AGAP1: variants seen among roughly 807,000 people sequenced by gnomAD.
AGAP1 encodes the protein ArfGAP with GTPase domain, ankyrin repeat and PH domain 1.
AGAP1 carries 29 observed loss-of-function variants against 105.3 expected under a neutral mutation model. The ratio of observed to expected loss-of-function variants is 0.28; its 90% CI spans 0.21 to 0.38. AGAP1 has a LOEUF of 0.38. AGAP1 is among the 10% of genes least tolerant of loss of function. The pLI is 1.00. For synonymous variants in AGAP1, 509 were observed against 485.9 expected (o/e 1.05, Z -0.63); for missense variants, 998 against 1,165.1 (o/e 0.86, Z 2.09).
At position 235,934,279 on chromosome 2, in the gene AGAP1, C is replaced by T. The variant is rs1191289067; in HGVS notation, c.1483+3356C>T. 6.6e-6 allele frequency among the ~76,000 whole-genome samples: 1 copy of T among 152,212 alleles called. No individual in the cohort carries two copies. The highest frequency in any genetic ancestry group is 1.5e-5 in the Non-Finnish European group (1 of 68,044). Reference sequence around the variant, plus strand: ...CTTGGGAACCACTGCTGTAAGTCCTCACTTCCCAAAGCCTGGTCCACGGAC... The same window carrying T: ...CTTGGGAACCACTGCTGTAAGTCCTTACTTCCCAAAGCCTGGTCCACGGAC... On this transcript the variant is annotated intron_variant, in intron 12 of 17. Coordinates refer to ENST00000304032, the MANE Select transcript of AGAP1 (RefSeq NM_001037131.3). The surrounding 1 kb of genome is among the most constrained non-coding windows in gnomAD (Gnocchi z 4.9).
chr2:235,653,429 A>G (rs1179391600), intron 1 of AGAP1, among the ~76,000 whole-genome samples: 2 of 152,164 alleles, frequency 1.3e-5, no homozygotes, highest in African/African-American at 4.8e-5. Flanking sequence ...GCGCCACTGC[A>G]TTCCAGCCTG....
intron 1 of AGAP1, among the ~76,000 whole-genome samples, chr2:235,583,335 A>G (rs939397815): frequency 7.6e-6 from 1 of 130,778 alleles, no homozygotes; most frequent in African/African-American, 2.9e-5. Context: ...CTCTGGGGTA[A>G]CTCCAAGTGG....
Position 235,981,572 on chromosome 2 carries a change from G to A in AGAP1, c.1645+12949G>A, listed in dbSNP as rs1455551023. ...CTCTTTCAAAGAGGAAATCAATCAC[G>A]AAACAGAAACTCAGAGTTGACAATC... On this transcript the variant is annotated intron_variant, in intron 13 of 17. Coordinates refer to ENST00000304032, the MANE Select transcript of AGAP1 (RefSeq NM_001037131.3). The surrounding 1 kb of genome is among the most constrained non-coding windows in gnomAD (Gnocchi z 5.5). 3.9e-5 allele frequency among the ~76,000 whole-genome samples: 6 copies of A among 152,090 alleles called. No individual in the cohort carries two copies. The highest frequency in any genetic ancestry group is 6.5e-5 in the Admixed American group (1 of 15,272).
intron 1 of AGAP1, among the ~76,000 whole-genome samples, chr2:235,576,965 T>C (rs944412524): frequency 3.3e-5 from 5 of 152,220 alleles, no homozygotes; most frequent in African/African-American, 1.2e-4. Flanking sequence ...CCAGTTCTGC[T>C]TCTTCCCCTC....
rs969122298 is a variant in AGAP1 at position 236,020,390 on chromosome 2, T to A, written c.1646-16171T>A. Among the ~76,000 whole-genome samples the A allele has an allele frequency of 3.3e-5, 5 of 152,216 alleles. No individual in the cohort carries two copies. The highest frequency in any genetic ancestry group is 1.2e-4 in the African/African-American group (5 of 41,460). On this transcript the variant is annotated intron_variant, in intron 13 of 17. Coordinates refer to ENST00000304032, the MANE Select transcript of AGAP1 (RefSeq NM_001037131.3). This position sits in a 1 kb window ranked among gnomAD's most constrained non-coding sequence, Gnocchi z 5.0. ...TGAAGCATAGGGGGGAATTTAGAAATGAAACTTAACCTGTTATCTAGACTT... is the reference window on the plus strand; with the variant it reads ...TGAAGCATAGGGGGGAATTTAGAAAAGAAACTTAACCTGTTATCTAGACTT...
rs2053990030 is a variant in AGAP1, at chr2:235,957,257, G to A, written c.1484-11205G>A. Reference sequence around the variant, plus strand: ...AGATCAAATTTCCTAAATTCCTACTGACTAGGCTTAATTTAGAGAGATCTC... The same window carrying A: ...AGATCAAATTTCCTAAATTCCTACTAACTAGGCTTAATTTAGAGAGATCTC... On this transcript the variant is annotated intron_variant, in intron 12 of 17. Coordinates refer to ENST00000304032, the MANE Select transcript of AGAP1 (RefSeq NM_001037131.3). The surrounding 1 kb of genome is among the most constrained non-coding windows in gnomAD (Gnocchi z 4.6). Among the ~76,000 whole-genome samples the A allele has an allele frequency of 6.6e-6, 1 of 152,166 alleles. No individual in the cohort carries two copies. The highest frequency in any genetic ancestry group is 2.4e-5 in the African/African-American group (1 of 41,448).
intron 12 of AGAP1, among the ~76,000 whole-genome samples, chr2:235,937,942 C>T (rs528615820): frequency 2.0e-5 from 3 of 152,332 alleles, no homozygotes; most frequent in Non-Finnish European, 2.9e-5. Flanking sequence ...CTTCCAGCTG[C>T]GGTTGCTGCG....
In AGAP1 at chr2:235,634,392, G is replaced by A. The variant is rs181663933; in HGVS notation, c.164-74787G>A. Among the ~76,000 whole-genome samples the A allele has an allele frequency of 4.3e-4, 66 of 152,330 alleles. 1 individual carries two copies. The highest frequency in any genetic ancestry group is 1.5e-3 in the African/African-American group (62 of 41,588). ...TATGGTACTGTTTAAGCAACAAAGA[G>A]CTGAGACTTCGGAAGGTTCCCAAGG... On this transcript the variant is annotated intron_variant, in intron 1 of 17. Coordinates refer to ENST00000304032, the MANE Select transcript of AGAP1 (RefSeq NM_001037131.3).
chr2:235,829,773 G>A (rs966714202), intron 9 of AGAP1, among the ~76,000 whole-genome samples: 11 of 152,216 alleles, frequency 7.2e-5, no homozygotes, highest in African/African-American at 2.7e-4. Context: ...TGGCCCCTCT[G>A]TGCTGGGCTC....
Position 236,036,733 on chromosome 2 carries a change from C to A in AGAP1, c.1800+18C>A, listed in dbSNP as rs1347027870. The A allele has an allele frequency of 6.2e-7, 1 of 1,613,790 alleles. No individual in the cohort carries two copies. Among genetic ancestry groups the A allele is most frequent in the Admixed American group, 1.7e-5 (1 of 60,000 alleles). ...AGAACAAGGTGAGGCCCCTGGCTGC[C>A]CAAAACCAAGGCTGGGGCTGCTCAG... On this transcript the variant is annotated intron_variant, in intron 14 of 17. Transcript: ENST00000304032. The surrounding 1 kb of genome is among the most constrained non-coding windows in gnomAD (Gnocchi z 5.7).
chr2:235,583,376 G>C (rs970867338), intron 1 of AGAP1, among the ~76,000 whole-genome samples: 33 of 151,960 alleles, frequency 2.2e-4, no homozygotes, highest in Admixed American at 2.0e-4. Context: ...CCCTGCCTGC[G>C]TTGGTCTCAC....
rs1295501546 is a variant in AGAP1, at chr2:235,511,803, C to T, written c.163+16954C>T. Among the ~76,000 whole-genome samples the T allele has an allele frequency of 5.3e-5, 8 of 151,750 alleles. No individual in the cohort carries two copies. In the East Asian group the frequency reaches 5.8e-4, roughly 11 times the overall value. On this transcript the variant is annotated intron_variant, in intron 1 of 17. Coordinates refer to ENST00000304032, the MANE Select transcript of AGAP1 (RefSeq NM_001037131.3). ...GAACATGCTTGTGAGATTCAGTGTG[C>T]GTATTTGTGTGAGTGTGTGTGAATG...
At chr2:236,094,410 G>C (rs961339049) in intron 16 of AGAP1, among the ~76,000 whole-genome samples, 2 of 150,610 alleles carry the variant, frequency 1.3e-5, no homozygotes, top group African/African-American at 4.9e-5. Context: ...TGGAGTGCAT[G>C]GCTCAATCAC....
In AGAP1 at chr2:236,026,419, T is replaced by C. The variant is rs141790492; in HGVS notation, c.1646-10142T>C. ...TACCAGACTGACCTGATTGTGTGAC[T>C]GGACATCAGTTAGAAAGAAGTATGA... On this transcript the variant is annotated intron_variant, in intron 13 of 17. Transcript: ENST00000304032. Among the ~76,000 whole-genome samples the C allele has an allele frequency of 5.8e-3, 884 of 152,274 alleles. 5 individuals carry two copies. Among genetic ancestry groups the C allele is most frequent in the African/African-American group, 0.02 (836 of 41,572 alleles).
intron 9 of AGAP1, among the ~76,000 whole-genome samples, chr2:235,838,177 CTG>C (rs1482067594): frequency 6.6e-6 from 1 of 152,060 alleles, no homozygotes; most frequent in African/African-American, 2.4e-5. Flanking sequence ...CAGAGTGAGA[CTG>C]TGTCCCCCCA....
chr2:235,941,026 A>G (rs941235562), intron 12 of AGAP1, among the ~76,000 whole-genome samples: 3 of 152,210 alleles, frequency 2.0e-5, no homozygotes, highest in South Asian at 2.1e-4. Context: ...CCAGTTTTAT[A>G]TGATATAATC....
At position 235,903,926 on chromosome 2, in the gene AGAP1, C is replaced by T. The variant is rs141249569; in HGVS notation, c.1156-4812C>T. Among the ~76,000 whole-genome samples, 74 of 152,178 alleles carry T rather than the reference C, an allele frequency of 4.9e-4. 1 individual carries two copies. The East Asian group carries it at 0.014, about 28-fold the overall frequency. ...CTGTATCAGGAGGGATCTGGTACACCGAGATACTAATGACTCCGCGTCCTT... is the reference window on the plus strand; with the variant it reads ...CTGTATCAGGAGGGATCTGGTACACTGAGATACTAATGACTCCGCGTCCTT... On this transcript the variant is annotated intron_variant, in intron 10 of 17. Transcript: ENST00000304032.
intron 3 of AGAP1, among the ~76,000 whole-genome samples, chr2:235,731,555 C>T (rs976254753): frequency 6.6e-6 from 1 of 152,166 alleles, no homozygotes; most frequent in Non-Finnish European, 1.5e-5. Flanking sequence ...AGAAGACAGG[C>T]ATCTCTCATG....
chr2:235,814,213 C>T (rs1958323325), intron 9 of AGAP1, among the ~76,000 whole-genome samples: 1 of 152,218 alleles, frequency 6.6e-6, no homozygotes, highest in Non-Finnish European at 1.5e-5. Context: ...AAGGGCGGAG[C>T]TCTTGCCAGG....
Sources: allele counts gnomAD v4.1 joint callset (sites outside exome capture counted in the v4.1 genomes callset), GRCh38; gene constraint gnomAD v4.1.1; non-coding constraint Gnocchi (gnomAD v3.1); transcripts MANE v1.5; gene names NCBI Gene and HGNC (gene_info 2026-07-23, HGNC 2026-07-21).